Variants in OTOGL observed in about 807,000 individuals in gnomAD.
OTOGL encodes the protein otogelin like.
In OTOGL, 285 loss-of-function variants were observed where a neutral mutation model predicts 318.5. That is an observed-to-expected ratio of 0.89 (90% CI 0.81 to 0.99). OTOGL has a LOEUF of 0.99. OTOGL is among the 50% of genes least tolerant of loss of function. OTOGL has a pLI of 0.00. For synonymous variants in OTOGL, 987 were observed against 936.5 expected (o/e 1.05, Z -0.99); for missense variants, 2,899 against 2,845.6 (o/e 1.02, Z -0.43).
chr12:80,343,665 A>G (rs1055239521), intron 44 of OTOGL: 2 of 151,040 alleles, frequency 1.3e-5, no homozygotes, highest in Non-Finnish European at 1.5e-5. Context: ...CCAAATGTAC[A>G]CCTTCAGGAG....
chr12:80,249,565 C>T (rs1881286620), intron 11 of OTOGL, among the ~76,000 whole-genome samples: 1 of 152,066 alleles, frequency 6.6e-6, no homozygotes, highest in East Asian at 2.0e-4. Flanking sequence ...CTGCTCTCTT[C>T]AAAGCTGTCA....
At chr12:80,325,388 A>T (rs1377282576) in intron 35 of OTOGL, among the ~76,000 whole-genome samples, 2 of 152,224 alleles carry the variant, frequency 1.3e-5, no homozygotes, top group Admixed American at 6.5e-5. Context: ...CAGCTAACAC[A>T]TTTAAGTATT....
intron 55 of OTOGL, among the ~76,000 whole-genome samples, chr12:80,370,185 A>G (rs185459608): frequency 2.3e-4 from 35 of 152,116 alleles, no homozygotes; most frequent in East Asian, 7.7e-4. Context: ...TTGTTGTTTT[A>G]TAATTAGTGA....
intron 26 of OTOGL, among the ~76,000 whole-genome samples, chr12:80,286,771 TTC>T (rs1257441052): frequency 6.6e-6 from 1 of 152,248 alleles, no homozygotes; most frequent in Admixed American, 6.5e-5. Context: ...CTAGAAAATC[TTC>T]TCTCTTTTCT....
At chr12:80,269,577 T>A (rs74108575) in intron 22 of OTOGL, among the ~76,000 whole-genome samples, 9,449 of 152,190 alleles carry the variant, frequency 0.062, 937 homozygotes, top group African/African-American at 0.22. Context: ...CTATGTAGAA[T>A]GCTGCTTTAC....
chr12:80,265,505 TATC>T (rs1882884802), intron 20 of OTOGL: 1 of 387,308 alleles, frequency 2.6e-6, no homozygotes, highest in South Asian at 2.6e-5. Flanking sequence ...ATCGTGGAAA[TATC>T]ATATCTAAAT....
At chr12:80,219,677 G>A in intron 5 of OTOGL, 137 bp from the exon 6 acceptor site, 3 of 671,728 alleles carry the variant, frequency 4.5e-6, no homozygotes, top group Non-Finnish European at 7.8e-6. Context: ...TAGTTCTTTA[G>A]CTTAGCAAGG....
intron 11 of OTOGL, among the ~76,000 whole-genome samples, chr12:80,249,508 G>T (rs908913967): frequency 6.6e-6 from 1 of 151,804 alleles, no homozygotes; most frequent in African/African-American, 2.4e-5. Context: ...CACTTGAGGA[G>T]GCAGTCTGCC....
chr12:80,243,020 C>T (rs950032418), intron 11 of OTOGL, among the ~76,000 whole-genome samples: 2 of 149,896 alleles, frequency 1.3e-5, no homozygotes, highest in African/African-American at 5.1e-5. Context: ...GATGTGAAAA[C>T]CAAGATTTTT....
At chr12:80,307,771 T>C (rs1450568887) in intron 29 of OTOGL, among the ~76,000 whole-genome samples, 322 of 68,298 alleles carry the variant, frequency 4.7e-3, no homozygotes, top group Admixed American at 6.6e-3. Flanking sequence ...CCGGACGGGG[T>C]GGCTGGCCGG....
At chr12:80,224,576 TGTC>T (rs1163034638) in intron 7 of OTOGL, among the ~76,000 whole-genome samples, 1 of 152,012 alleles carries the variant, frequency 6.6e-6, no homozygotes, top group Non-Finnish European at 1.5e-5. Flanking sequence ...TTGTTTGTGT[TGTC>T]TATGATTTCT....
chr12:80,259,370 T>C (rs1257176043), intron 18 of OTOGL, among the ~76,000 whole-genome samples: 1 of 151,844 alleles, frequency 6.6e-6, no homozygotes, highest in African/African-American at 2.4e-5. Flanking sequence ...TTTATTATTA[T>C]TATTTTTATT....
intron 1 of OTOGL, among the ~76,000 whole-genome samples, chr12:80,161,379 T>C (rs1220974465): frequency 6.6e-6 from 1 of 152,114 alleles, no homozygotes; most frequent in Non-Finnish European, 1.5e-5. Context: ...TGTTGAATAA[T>C]ATTGATAAGA....
intron 24 of OTOGL, among the ~76,000 whole-genome samples, chr12:80,275,181 T>A (rs1386709292): frequency 6.6e-6 from 1 of 151,950 alleles, no homozygotes; most frequent in Non-Finnish European, 1.5e-5. Context: ...ATTGAAAATA[T>A]TTTGGAGAGT....
intron 18 of OTOGL, among the ~76,000 whole-genome samples, chr12:80,259,423 G>T (rs1882339704): frequency 6.6e-6 from 1 of 151,866 alleles, no homozygotes; most frequent in African/African-American, 2.4e-5. Flanking sequence ...GTGCAGGTTT[G>T]TTACATAGAC....
chr12:80,295,112 A>C (rs79587879), intron 26 of OTOGL, among the ~76,000 whole-genome samples: 9,534 of 146,962 alleles, frequency 0.065, 345 homozygotes, highest in African/African-American at 0.081. Context: ...AACAACAACA[A>C]CACCACCACC....
At chr12:80,185,500 G>A (rs1223635374) in intron 1 of OTOGL, among the ~76,000 whole-genome samples, 1 of 152,090 alleles carries the variant, frequency 6.6e-6, no homozygotes, top group Non-Finnish European at 1.5e-5. Flanking sequence ...TGTTGGCCAG[G>A]CTGGTCTTGA....
chr12:80,318,705 A>T lies in OTOGL; in HGVS notation c.3794A>T (p.Lys1265Met). ...ATCACTCCAGGCCTTTTCAAAGAGA[A>T]GGTATCATGTAAGTATAATTGAAAA... ...FMITPGLFKEKVSSLALVSLE... is the reference protein window; with the variant it reads ...FMITPGLFKEMVSSLALVSLE... The change falls in exon 33 of 59, where the codon AAG (lysine) becomes ATG (methionine). Residue 1265 changes from lysine to methionine, a missense_variant. By Grantham distance (95) the Lys-to-Met change is moderately conservative. This residue lies in a region of OTOGL where 2,607 missense variants were observed against 2,524.9 expected (regional missense o/e 1.03). Transcript: ENST00000547103. 7.8e-7 allele frequency: 1 copy of T among 1,275,516 alleles called. No individual in the cohort carries two copies. Among genetic ancestry groups the T allele is most frequent in the Non-Finnish European group, 1.0e-6 (1 of 994,146 alleles). The allele number at this position is 1,275,516 out of a possible 1,614,324, so 79.0% of individuals were successfully genotyped here. A position where few individuals can be genotyped will look rare whatever the true frequency, so the allele number is the denominator to read the frequency against.
chr12:80,209,361 A>C (rs1317082926), intron 1 of OTOGL, 52 bp from the exon 2 acceptor site: 2 of 1,014,264 alleles, frequency 2.0e-6, no homozygotes. Flanking sequence ...ACAAATATGC[A>C]TACTTCTAAG....
Sources: allele counts gnomAD v4.1 joint callset (sites outside exome capture counted in the v4.1 genomes callset), GRCh38; gene constraint gnomAD v4.1.1; regional missense constraint gnomAD v4.1.1; transcripts MANE v1.5; gene names NCBI Gene and HGNC (gene_info 2026-07-23, HGNC 2026-07-21).